Variants in ZFP82 observed in about 807,000 individuals in gnomAD.
The protein encoded by ZFP82 is ZFP82 zinc finger protein, also known as zinc finger protein 82 homolog.
Under a neutral mutation model 54.0 loss-of-function variants are expected in ZFP82, and 30 were observed. The ratio of observed to expected loss-of-function variants is 0.56; its 90% CI spans 0.42 to 0.75. The LOEUF (loss-of-function observed/expected upper bound fraction) is 0.75, where lower values mean the gene tolerates loss of function less well. Ranked by LOEUF, ZFP82 falls within the 30% of genes least tolerant of loss-of-function variation. The pLI, the probability that ZFP82 is intolerant of heterozygous loss-of-function variation, is 0.00. For missense variants in ZFP82, 500 were observed against 636.8 expected, an observed-to-expected ratio of 0.79 and a Z score of 2.31; for synonymous variants, 194 against 209.5, an observed-to-expected ratio of 0.93 and a Z score of 0.64.
rs1491408944 is a variant in ZFP82, at chr19:36,402,469, A to AAAAAAAAAAC, written c.229+3110_229+3111insGTTTTTTTTT. On this transcript the variant is annotated intron_variant, in intron 4 of 4. Coordinates refer to ENST00000392161, the MANE Select transcript of ZFP82 (RefSeq NM_133466.4). ...GGACAGAAGAGCGAGACTCCATCTC[A>AAAAAAAAAAC]AAAAAAAAAAAAAAAAAAGATTAGG... Among the ~76,000 whole-genome samples the AAAAAAAAAAC allele has an allele frequency of 1.5e-3, 103 of 67,412 alleles. 4 individuals carry two copies. Among genetic ancestry groups the AAAAAAAAAAC allele is most frequent in the African/African-American group, 6.6e-3 (97 of 14,776 alleles). The allele number at this position is 67,412 out of a possible 152,430, so 44.2% of individuals were successfully genotyped here.
intron 3 of ZFP82, 120 bp from the exon 4 acceptor site, chr19:36,405,792 T>G: frequency 1.8e-6 from 1 of 571,320 alleles, no homozygotes; most frequent in Middle Eastern, 3.8e-4. Flanking sequence ...AACAAATAAG[T>G]GAAAGATGTT....
intron 1 of ZFP82, among the ~76,000 whole-genome samples, chr19:36,413,678 G>A (rs1278786483): frequency 1.3e-5 from 2 of 152,100 alleles, no homozygotes; most frequent in Non-Finnish European, 2.9e-5. Context: ...TATGAACAGA[G>A]CTCTGAGAAT....
chr19:36,417,623 T>C (rs1416373835), intron 1 of ZFP82, among the ~76,000 whole-genome samples: 2 of 152,146 alleles, frequency 1.3e-5, no homozygotes, highest in Non-Finnish European at 2.9e-5. Flanking sequence ...CAGCCTCGCA[T>C]AGGGCACAAT....
At chr19:36,410,543 C>A (rs1430891851) in intron 1 of ZFP82, among the ~76,000 whole-genome samples, 2 of 151,782 alleles carry the variant, frequency 1.3e-5, no homozygotes, top group African/African-American at 2.4e-5. Flanking sequence ...GCTCTTATTG[C>A]CCAGGTTGGA....
chr19:36,414,130 G>C (rs2032627529), intron 1 of ZFP82, among the ~76,000 whole-genome samples: 1 of 152,084 alleles, frequency 6.6e-6, no homozygotes, highest in Middle Eastern at 3.4e-3. Flanking sequence ...TCGATCTCCT[G>C]ACCTCGTGAT....
At chr19:36,395,523 T>C (rs775344626) in intron 4 of ZFP82, 18 of 152,208 alleles carry the variant, frequency 1.2e-4, no homozygotes, top group Non-Finnish European at 1.8e-4. Flanking sequence ...TGTTCAACTG[T>C]TGCAGTCATC....
At chr19:36,407,655 G>T (rs574586007) in intron 3 of ZFP82, among the ~76,000 whole-genome samples, 11 of 152,294 alleles carry the variant, frequency 7.2e-5, no homozygotes, top group Non-Finnish European at 1.3e-4. Context: ...AAATCACAAA[G>T]ATCTCAAACC....
intron 4 of ZFP82, among the ~76,000 whole-genome samples, chr19:36,398,811 G>A (rs956311434): frequency 3.3e-5 from 5 of 151,994 alleles, no homozygotes; most frequent in African/African-American, 9.7e-5. Flanking sequence ...TCATGTTCCT[G>A]ATTTTTTTTA....
At chr19:36,400,270 A>T (rs1165370976) in intron 4 of ZFP82, among the ~76,000 whole-genome samples, 2 of 152,208 alleles carry the variant, frequency 1.3e-5, no homozygotes, top group Non-Finnish European at 2.9e-5. Context: ...TGTCATATAA[A>T]TCACTTAGAC....
chr19:36,400,755 T>C (rs1312339914), intron 4 of ZFP82, among the ~76,000 whole-genome samples: 1 of 152,176 alleles, frequency 6.6e-6, no homozygotes. Context: ...CCTAATGTCA[T>C]AAAATACACT....
In ZFP82 at chr19:36,392,731, A is replaced by G; in HGVS notation, c.*10T>C. The G allele has an allele frequency of 6.5e-7, 1 of 1,541,302 alleles. No individual in the cohort carries two copies. The highest frequency in any genetic ancestry group is 1.3e-5 in the South Asian group (1 of 77,410). On this transcript the variant is annotated 3_prime_UTR_variant, in exon 5 of 5. Transcript: ENST00000392161. ...GAATGTTCTATAACACAGAAGTTGAAAAGACTTTCTTAGATTTTTACATTA... is the reference window on the plus strand; with the variant it reads ...GAATGTTCTATAACACAGAAGTTGAGAAGACTTTCTTAGATTTTTACATTA...
chr19:36,402,090 T>C (rs1219693663), intron 4 of ZFP82, among the ~76,000 whole-genome samples: 1 of 152,244 alleles, frequency 6.6e-6, no homozygotes, highest in East Asian at 1.9e-4. Context: ...AAATGGATAT[T>C]ATCTTATTCA....
intron 3 of ZFP82, among the ~76,000 whole-genome samples, chr19:36,406,380 A>G (rs548422518): frequency 3.2e-4 from 49 of 152,292 alleles, no homozygotes; most frequent in African/African-American, 1.2e-3. Context: ...AAATATCCCT[A>G]TTGGTCACTG....
rs1411583469 is a variant in ZFP82 at position 36,389,969 on chromosome 19, C to A, written c.*2772G>T. ...ATCCCCCCTAGATCCCAGAGACCAA[C>A]AAAATTACTCAAACTATTCAATCCT... On this transcript the variant is annotated 3_prime_UTR_variant, in exon 5 of 5. Coordinates refer to ENST00000392161, the MANE Select transcript of ZFP82 (RefSeq NM_133466.4). Among the ~76,000 whole-genome samples, 2 of 152,172 alleles carry A rather than the reference C, an allele frequency of 1.3e-5. No homozygotes were observed. Among genetic ancestry groups the A allele is most frequent in the African/African-American group, 4.8e-5 (2 of 41,424 alleles).
chr19:36,407,025 C>T (rs953090478), intron 3 of ZFP82, among the ~76,000 whole-genome samples: 6 of 149,120 alleles, frequency 4.0e-5, no homozygotes, highest in Non-Finnish European at 7.4e-5. Flanking sequence ...CTATACTCAT[C>T]TTGCTGTGCA....
At chr19:36,418,089 A>C (rs532521296) in intron 1 of ZFP82, among the ~76,000 whole-genome samples, 108 of 151,582 alleles carry the variant, frequency 7.1e-4, no homozygotes, top group African/African-American at 2.5e-3. Context: ...CTCATTTTTT[A>C]AATTTCTGGT....
intron 4 of ZFP82, 92 bp from the exon 5 acceptor site, chr19:36,394,202 T>A: frequency 1.7e-6 from 2 of 1,178,086 alleles, no homozygotes; most frequent in South Asian, 1.4e-5. Flanking sequence ...ACAAAAGTAA[T>A]CCTTAACCAA....
intron 4 of ZFP82, chr19:36,394,803 T>C (rs1014876006): frequency 3.3e-5 from 5 of 152,212 alleles, no homozygotes; most frequent in African/African-American, 9.6e-5. Context: ...TAAATCCATG[T>C]TGCTATTCTC....
At chr19:36,403,611 C>T (rs2032430974) in intron 4 of ZFP82, among the ~76,000 whole-genome samples, 1 of 129,226 alleles carries the variant, frequency 7.7e-6, no homozygotes, top group Admixed American at 8.4e-5. Flanking sequence ...CAGAGCGAGA[C>T]TCCGTCGCAA....
Sources: allele counts gnomAD v4.1 joint callset (sites outside exome capture counted in the v4.1 genomes callset), GRCh38; gene constraint gnomAD v4.1.1; transcripts MANE v1.5; gene names NCBI Gene and HGNC (gene_info 2026-07-23, HGNC 2026-07-21).